The following CACNA2D3 variants were observed in gnomAD, a reference collection of about 807,000 sequenced individuals.
CACNA2D3 encodes the protein voltage-dependent calcium channel subunit alpha-2/delta-3.
CACNA2D3 carries 60 observed loss-of-function variants against 160.6 expected under a neutral mutation model. The observed-to-expected ratio is 0.37, with a 90% CI of 0.30 to 0.46. CACNA2D3 has a LOEUF of 0.46. CACNA2D3 is among the 20% of genes least tolerant of loss of function. CACNA2D3 has a pLI of 1.00. For synonymous variants in CACNA2D3, 558 were observed against 492.9 expected, an observed-to-expected ratio of 1.13 and a Z score of -1.75; for missense variants, 1,205 against 1,365.0, an observed-to-expected ratio of 0.88 and a Z score of 1.85.
intron 12 of CACNA2D3, among the ~76,000 whole-genome samples, chr3:54,756,969 C>T (rs1701983369): frequency 6.6e-6 from 1 of 152,090 alleles, no homozygotes; most frequent in Admixed American, 6.5e-5. Context: ...AGCAGCAAGC[C>T]ATTTTACATA....
chr3:54,374,684 C>T (rs1698979670), intron 3 of CACNA2D3, among the ~76,000 whole-genome samples: 1 of 152,176 alleles, frequency 6.6e-6, no homozygotes. Context: ...GTAAGGGCAC[C>T]AAGCTATAGG....
chr3:54,969,747 G>C (rs1237062043), intron 28 of CACNA2D3, 53 bp from the exon 29 acceptor site: 1 of 1,533,392 alleles, frequency 6.5e-7, no homozygotes, highest in African/African-American at 1.4e-5. Context: ...AGCAGGCACT[G>C]GGATGCCCAA....
intron 9 of CACNA2D3, among the ~76,000 whole-genome samples, chr3:54,596,951 G>C (rs937655131): frequency 6.6e-6 from 1 of 152,030 alleles, no homozygotes. Context: ...ATGTGACCTA[G>C]TTTCTCACTG....
At chr3:54,169,944 A>G (rs1446886412) in intron 2 of CACNA2D3, among the ~76,000 whole-genome samples, 1 of 152,192 alleles carries the variant, frequency 6.6e-6, no homozygotes. Context: ...TCCCCGCAGT[A>G]TGGGTGGCTG....
At chr3:54,312,978 C>G (rs972282220) in intron 2 of CACNA2D3, among the ~76,000 whole-genome samples, 1 of 152,160 alleles carries the variant, frequency 6.6e-6, no homozygotes, top group Admixed American at 6.5e-5. Context: ...ACATCGAGAC[C>G]TTCAGTTTAG....
intron 5 of CACNA2D3, among the ~76,000 whole-genome samples, chr3:54,518,759 A>AG (rs1701596315): frequency 6.6e-6 from 1 of 151,982 alleles, no homozygotes; most frequent in Admixed American, 6.5e-5. Flanking sequence ...TTTTTCAACC[A>AG]TTTTTCCCCT....
At chr3:54,582,967 A>T (rs1230538793) in intron 9 of CACNA2D3, among the ~76,000 whole-genome samples, 2 of 152,220 alleles carry the variant, frequency 1.3e-5, no homozygotes, top group Non-Finnish European at 2.9e-5. Flanking sequence ...CTTCATATTT[A>T]GGAGGGAGGA....
chr3:54,323,924 G>A (rs553501129), intron 3 of CACNA2D3, among the ~76,000 whole-genome samples: 1 of 152,280 alleles, frequency 6.6e-6, no homozygotes, highest in East Asian at 1.9e-4. Context: ...CCTACCTTGT[G>A]TTTTCCTAGT....
chr3:54,179,794 C>T (rs925605062), intron 2 of CACNA2D3, among the ~76,000 whole-genome samples: 3 of 152,088 alleles, frequency 2.0e-5, no homozygotes, highest in African/African-American at 7.2e-5. Context: ...AACCCGGAAG[C>T]GAGCCCTCAC....
At chr3:54,566,715 G>A (rs1363749580) in intron 6 of CACNA2D3, among the ~76,000 whole-genome samples, 1 of 152,274 alleles carries the variant, frequency 6.6e-6, no homozygotes, top group South Asian at 2.1e-4. Flanking sequence ...TTCTATAGCC[G>A]TACGCAGGGG....
intron 2 of CACNA2D3, among the ~76,000 whole-genome samples, chr3:54,213,925 G>A (rs1701420311): frequency 6.6e-6 from 1 of 152,186 alleles, no homozygotes; most frequent in South Asian, 2.1e-4. Flanking sequence ...GAAAATACCG[G>A]GAGGAGAGAG....
chr3:54,620,657 C>T (rs930410585), intron 9 of CACNA2D3, among the ~76,000 whole-genome samples: 3 of 152,168 alleles, frequency 2.0e-5, no homozygotes, highest in Non-Finnish European at 4.4e-5. Flanking sequence ...CAGCCCTGCA[C>T]GGAATCTTAG....
At chr3:54,146,928 G>A (rs1700041608) in intron 2 of CACNA2D3, among the ~76,000 whole-genome samples, 1 of 152,270 alleles carries the variant, frequency 6.6e-6, no homozygotes, top group African/African-American at 2.4e-5. Context: ...TTGGACAGAT[G>A]TCCGGGCCAA....
At chr3:54,827,462 C>G (rs935272404) in intron 14 of CACNA2D3, among the ~76,000 whole-genome samples, 1 of 152,184 alleles carries the variant, frequency 6.6e-6, no homozygotes, top group Non-Finnish European at 1.5e-5. Flanking sequence ...TAATGCAGGT[C>G]TGTTTGCTTC....
At chr3:54,855,340 G>C (rs919739054) in intron 17 of CACNA2D3, among the ~76,000 whole-genome samples, 1 of 152,138 alleles carries the variant, frequency 6.6e-6, no homozygotes, top group East Asian at 1.9e-4. Context: ...AGATGGGTGG[G>C]TGCGCCCCAC....
At chr3:54,948,108 G>A (rs770785912) in intron 27 of CACNA2D3, among the ~76,000 whole-genome samples, 13 of 152,126 alleles carry the variant, frequency 8.5e-5, no homozygotes, top group East Asian at 1.9e-4. Flanking sequence ...AAGTGCTCTC[G>A]ACCTTCCTAT....
intron 11 of CACNA2D3, among the ~76,000 whole-genome samples, chr3:54,713,061 TCC>T (rs1559556187): frequency 6.6e-6 from 1 of 152,188 alleles, no homozygotes; most frequent in East Asian, 1.9e-4. Flanking sequence ...GTGAGAAGAC[TCC>T]TGTAATGGCT....
chr3:55,035,324 A>G (rs1262646516), intron 35 of CACNA2D3, among the ~76,000 whole-genome samples: 3 of 152,232 alleles, frequency 2.0e-5, no homozygotes, highest in Non-Finnish European at 2.9e-5. Context: ...ATAATGAGCA[A>G]CATTGAAATG....
At chr3:54,525,871 A>G (rs1314475577) in intron 5 of CACNA2D3, among the ~76,000 whole-genome samples, 1 of 150,370 alleles carries the variant, frequency 6.7e-6, no homozygotes, top group Non-Finnish European at 1.5e-5. Flanking sequence ...GCAGGTTATT[A>G]TTTTTCAATA....
Sources: gnomAD v4.1 joint callset for allele counts (sites outside exome capture counted in the v4.1 genomes callset) on GRCh38, gnomAD v4.1.1 for gene constraint, MANE v1.5 for transcripts, NCBI Gene and HGNC (gene_info 2026-07-23, HGNC 2026-07-21) for gene names.